Variants in RFTN1 observed in about 807,000 individuals in gnomAD.
The protein encoded by RFTN1 is raftlin, lipid raft linker 1.
A neutral mutation model predicts 46.5 loss-of-function variants in RFTN1; 26 were observed. The observed-to-expected ratio is 0.56, with a 90% CI of 0.41 to 0.78. The LOEUF is 0.78. Ranked by LOEUF, RFTN1 falls within the 30% of genes least tolerant of loss-of-function variation. The probability of loss-of-function intolerance (pLI) is 0.00; values close to 1 mark genes in which losing one functional copy is unlikely to be tolerated. For synonymous variants in RFTN1, 261 were observed against 284.2 expected (o/e 0.92, Z 0.82); for missense variants, 693 against 718.7 (o/e 0.96, Z 0.41).
rs2346910 is a variant in RFTN1 at position 16,512,317 on chromosome 3, G to A, written c.-9+1125C>T. 0.55 allele frequency among the ~76,000 whole-genome samples: 84,276 copies of A among 151,878 alleles called. 24,676 individuals are homozygous for A. The highest frequency in any genetic ancestry group is 0.74 in the African/African-American group (30,772 of 41,386). ...CAGGGGTTGGAAGATGCCTAGTCTA[G>A]TTGAGCGCCCAGCTCCTGAAACAGC... On this transcript the variant is annotated intron_variant, in intron 1 of 9. Transcript: ENST00000334133. The surrounding 1 kb of genome is among the most constrained non-coding windows in gnomAD (Gnocchi z 4.3).
rs911348656 is a variant in RFTN1 at position 16,504,705 on chromosome 3, C to T, written c.-9+8737G>A. ...CACTCCCTCTCTTGCCCTAACTTGA[C>T]CTGCTCCAGGCAAGAGCTCCCCAGT... On this transcript the variant is annotated intron_variant, in intron 1 of 9. Coordinates refer to ENST00000334133, the MANE Select transcript of RFTN1 (RefSeq NM_015150.2). The surrounding 1 kb of genome is among the most constrained non-coding windows in gnomAD (Gnocchi z 4.4). Among the ~76,000 whole-genome samples, 1 of 152,174 alleles carries T rather than the reference C, an allele frequency of 6.6e-6. No homozygotes were observed. Among genetic ancestry groups the T allele is most frequent in the Admixed American group, 6.5e-5 (1 of 15,288 alleles).
At chr3:16,390,471 GCCTTGAGGTAA>G (rs2074317997) in intron 4 of RFTN1, among the ~76,000 whole-genome samples, 1 of 101,068 alleles carries the variant, frequency 9.9e-6, no homozygotes, top group Non-Finnish European at 2.4e-5. Context: ...AAAGCAGGTA[GCCTTGAGGTAA>G]ATAAACACTG....
Position 16,327,860 on chromosome 3 carries a change from T to A in RFTN1, c.1147-984A>T, listed in dbSNP as rs1432108208. On this transcript the variant is annotated intron_variant, in intron 7 of 9. Transcript: ENST00000334133. This position sits in a 1 kb window ranked among gnomAD's most constrained non-coding sequence, Gnocchi z 4.2. ...GCACTGGCTTCCACCTCTGCAGGCG[T>A]TCTCACTGCAACAGGCCTCATTTCT... Among the ~76,000 whole-genome samples, 1 of 152,116 alleles carries A rather than the reference T, an allele frequency of 6.6e-6. No homozygotes were observed. Among genetic ancestry groups the A allele is most frequent in the African/African-American group, 2.4e-5 (1 of 41,420 alleles).
intron 2 of RFTN1, among the ~76,000 whole-genome samples, chr3:16,467,918 C>G (rs2124941874): frequency 1.3e-5 from 2 of 152,308 alleles, no homozygotes; most frequent in Middle Eastern, 3.4e-3. Flanking sequence ...CAGCACCCAC[C>G]TAAGAGTACA....
chr3:16,324,007 C>T (rs930414600), intron 8 of RFTN1, among the ~76,000 whole-genome samples: 34 of 152,278 alleles, frequency 2.2e-4, no homozygotes, highest in African/African-American at 7.5e-4. Flanking sequence ...GAGGGAGGGG[C>T]GACTCGTATC....
rs1046680009 is a variant in RFTN1 at position 16,395,775 on chromosome 3, G to A, written c.441+13600C>T. 3.3e-5 allele frequency among the ~76,000 whole-genome samples: 5 copies of A among 152,114 alleles called. No individual in the cohort carries two copies. In the East Asian group the frequency reaches 5.8e-4, roughly 18 times the overall value. ...ACAACTTTACTTTGTAGAATATTTC[G>A]CTTCAATTATTGAAAAGTTAGCATC... is the stretch of plus-strand genomic sequence containing the variant. On this transcript the variant is annotated intron_variant, in intron 4 of 9. Transcript: ENST00000334133.
chr3:16,423,045 G>A (rs758436650), intron 3 of RFTN1, among the ~76,000 whole-genome samples: 3 of 152,030 alleles, frequency 2.0e-5, no homozygotes, highest in Non-Finnish European at 4.4e-5. Context: ...GTTGGTGCCT[G>A]TAGTCCCAGC....
Position 16,442,981 on chromosome 3 carries a change from T to C in RFTN1, c.146-8944A>G, listed in dbSNP as rs771750864. 6.6e-6 allele frequency among the ~76,000 whole-genome samples: 1 copy of C among 152,246 alleles called. No individual in the cohort carries two copies. Among genetic ancestry groups the C allele is most frequent in the Non-Finnish European group, 1.5e-5 (1 of 68,044 alleles). On this transcript the variant is annotated intron_variant, in intron 2 of 9. Coordinates refer to ENST00000334133, the MANE Select transcript of RFTN1 (RefSeq NM_015150.2). This position sits in a 1 kb window ranked among gnomAD's most constrained non-coding sequence, Gnocchi z 4.1. ...CATAGTTTATTTATCCAATCATCTA[T>C]TGATGGACATGTAGGTTGTTTCCAT...
Position 16,451,708 on chromosome 3 carries a change from T to C in RFTN1, c.146-17671A>G, listed in dbSNP as rs2124907598. 6.6e-6 allele frequency among the ~76,000 whole-genome samples: 1 copy of C among 152,310 alleles called. No individual in the cohort carries two copies. The highest frequency in any genetic ancestry group is 2.4e-5 in the African/African-American group (1 of 41,552). The stretch of plus-strand genomic sequence containing the variant: ...TGGCCATAACTTTTGCAGCCTGAGG[T>C]GTGACAGCAAAACTACTAGCGTGAT... On this transcript the variant is annotated intron_variant, in intron 2 of 9. Coordinates refer to ENST00000334133, the MANE Select transcript of RFTN1 (RefSeq NM_015150.2). The surrounding 1 kb of genome is among the most constrained non-coding windows in gnomAD (Gnocchi z 4.2).
chr3:16,441,809 C>A (rs1433462328), intron 2 of RFTN1, among the ~76,000 whole-genome samples: 2 of 152,222 alleles, frequency 1.3e-5, no homozygotes, highest in African/African-American at 4.8e-5. Flanking sequence ...GATAATGTTA[C>A]ACTGCTCAAC....
intron 7 of RFTN1, chr3:16,347,607 T>TACCCACCTCTGTGTGCAC (rs1357605019): frequency 6.6e-6 from 1 of 152,222 alleles, no homozygotes; most frequent in Non-Finnish European, 1.5e-5. Flanking sequence ...CACAGATGCA[T>TACCCACCTCTGTGTGCAC]ACCCACCTCT....
rs1237786528 is a variant in RFTN1 at position 16,458,151 on chromosome 3, A to G, written c.146-24114T>C. On this transcript the variant is annotated intron_variant, in intron 2 of 9. Coordinates refer to ENST00000334133, the MANE Select transcript of RFTN1 (RefSeq NM_015150.2). This position sits in a 1 kb window ranked among gnomAD's most constrained non-coding sequence, Gnocchi z 5.1. ...CCAGTCTTGGGTATTTCGTTTCAAC[A>G]ACACAAAATAGACTAAGACAGACAT... 6.6e-6 allele frequency among the ~76,000 whole-genome samples: 1 copy of G among 152,234 alleles called. No homozygotes were observed. The highest frequency in any genetic ancestry group is 1.5e-5 in the Non-Finnish European group (1 of 68,046).
chr3:16,406,788 C>A (rs971531770), intron 4 of RFTN1, among the ~76,000 whole-genome samples: 4 of 152,162 alleles, frequency 2.6e-5, no homozygotes, highest in East Asian at 1.9e-4. Flanking sequence ...CTGCTGTATG[C>A]TGTTTCACTA....
At chr3:16,462,474 C>T (rs2076022103) in intron 2 of RFTN1, among the ~76,000 whole-genome samples, 1 of 152,166 alleles carries the variant, frequency 6.6e-6, no homozygotes, top group Non-Finnish European at 1.5e-5. Flanking sequence ...TAAATGCAGT[C>T]ACATGGGTCC....
chr3:16,419,659 A>G (rs1313914859), intron 3 of RFTN1, among the ~76,000 whole-genome samples: 1 of 152,238 alleles, frequency 6.6e-6, no homozygotes, highest in East Asian at 1.9e-4. Flanking sequence ...GTTGGAGTTA[A>G]AAGTTTCCCC....
At chr3:16,323,208 C>T (rs2069280148) in intron 9 of RFTN1, among the ~76,000 whole-genome samples, 168 bp downstream of exon 9, 1 of 152,170 alleles carries the variant, frequency 6.6e-6, no homozygotes, top group Non-Finnish European at 1.5e-5. Context: ...TCAGCTGTCC[C>T]GTTTTAGCAG....
chr3:16,416,101 C>T (rs2075074971), intron 3 of RFTN1: 1 of 360,440 alleles, frequency 2.8e-6, no homozygotes, highest in Admixed American at 3.3e-5. Context: ...ATCTTGGGAC[C>T]CCCCACTTAC....
intron 2 of RFTN1, among the ~76,000 whole-genome samples, chr3:16,455,477 GCAAAGGACTA>G (rs2075890022): frequency 6.6e-6 from 1 of 152,138 alleles, no homozygotes; most frequent in African/African-American, 2.4e-5. Context: ...CTGAAACCAG[GCAAAGGACTA>G]GTCCTGACAG....
chr3:16,326,901 G>A, intron 7 of RFTN1, 25 bp from the exon 8 acceptor site: 5 of 1,578,850 alleles, frequency 3.2e-6, no homozygotes, highest in Non-Finnish European at 3.5e-6. Flanking sequence ...CCAGCATTAG[G>A]GCTGCTGCTG....
Sources: allele counts gnomAD v4.1 joint callset (sites outside exome capture counted in the v4.1 genomes callset), GRCh38; gene constraint gnomAD v4.1.1; non-coding constraint Gnocchi (gnomAD v3.1); transcripts MANE v1.5; gene names NCBI Gene and HGNC (gene_info 2026-07-23, HGNC 2026-07-21).